The following KCNN2 variants were observed in gnomAD, a reference collection of about 807,000 sequenced individuals.
KCNN2 encodes the protein potassium calcium-activated channel subfamily N member 2.
Under a neutral mutation model 55.5 loss-of-function variants are expected in KCNN2, and 24 were observed. That is an observed-to-expected ratio of 0.43 (90% CI 0.31 to 0.61). KCNN2 has a LOEUF of 0.61. Among genes scored for constraint, KCNN2 ranks in the 20% least tolerant of loss-of-function variants. The pLI is 0.08. For missense variants in KCNN2, 754 were observed against 853.6 expected, an observed-to-expected ratio of 0.88 and a Z score of 1.45; for synonymous variants, 431 against 336.1, an observed-to-expected ratio of 1.28 and a Z score of -3.09.
At chr5:114,183,470 C>G (rs937404091) in intron 1 of KCNN2, among the ~76,000 whole-genome samples, 1 of 151,990 alleles carries the variant, frequency 6.6e-6, no homozygotes, top group African/African-American at 2.4e-5. Context: ...GAAAAACTAT[C>G]TTAGCATAGA....
chr5:114,330,135 C>A (rs1299206767), intron 2 of KCNN2, among the ~76,000 whole-genome samples: 1 of 152,164 alleles, frequency 6.6e-6, no homozygotes, highest in African/African-American at 2.4e-5. Flanking sequence ...CAACCTTGAC[C>A]TTTTTCTAGT....
upstream of KCNN2, among the ~76,000 whole-genome samples, chr5:114,361,436 C>T (rs956860691): frequency 6.6e-6 from 1 of 152,226 alleles, no homozygotes; most frequent in Non-Finnish European, 1.5e-5. Context: ...CCGGGATTCT[C>T]CCCACACGCT....
At chr5:114,435,620 T>TA (rs774035555) in intron 3 of KCNN2, among the ~76,000 whole-genome samples, 308 of 147,592 alleles carry the variant, frequency 2.1e-3, no homozygotes, top group South Asian at 0.01. Context: ...ATTTTTACTC[T>TA]AAAAAAAAAA....
intron 2 of KCNN2, among the ~76,000 whole-genome samples, chr5:114,380,807 T>C (rs144682994): frequency 6.6e-6 from 1 of 152,278 alleles, no homozygotes; most frequent in East Asian, 1.9e-4. Context: ...GTAGGACATG[T>C]GGCCTTTGGG....
intron 2 of KCNN2, among the ~76,000 whole-genome samples, chr5:114,319,935 T>C (rs1274446068): frequency 6.6e-6 from 1 of 152,208 alleles, no homozygotes; most frequent in African/African-American, 2.4e-5. Flanking sequence ...GAATCCAGTG[T>C]TTCCTTTGAT....
chr5:114,246,833 T>C (rs544051608), intron 2 of KCNN2, among the ~76,000 whole-genome samples: 4 of 152,240 alleles, frequency 2.6e-5, no homozygotes, highest in African/African-American at 7.2e-5. Context: ...CATTTGTTAA[T>C]AATGCCTTTA....
chr5:114,342,307 G>A (rs560486899), intron 2 of KCNN2, among the ~76,000 whole-genome samples: 2 of 152,068 alleles, frequency 1.3e-5, no homozygotes, highest in Non-Finnish European at 2.9e-5. Context: ...GGAGCTGTGA[G>A]GATAATCATG....
chr5:114,260,639 G>A (rs937631560), intron 2 of KCNN2, among the ~76,000 whole-genome samples: 6 of 152,156 alleles, frequency 3.9e-5, no homozygotes, highest in African/African-American at 1.2e-4. Flanking sequence ...GTACTTTTTA[G>A]AATGAATGAA....
intron 1 of KCNN2, among the ~76,000 whole-genome samples, chr5:114,075,069 G>C (rs1051717453): frequency 1.3e-5 from 2 of 152,222 alleles, no homozygotes; most frequent in Non-Finnish European, 1.5e-5. Context: ...CCAGGAGCCA[G>C]TTAATTTGTA....
At chr5:114,368,628 T>C (rs1466980207) in intron 2 of KCNN2, among the ~76,000 whole-genome samples, 1 of 152,226 alleles carries the variant, frequency 6.6e-6, no homozygotes, top group Non-Finnish European at 1.5e-5. Context: ...ATACTGCATA[T>C]AGTTTACTAT....
intron 1 of KCNN2, among the ~76,000 whole-genome samples, chr5:114,082,879 T>G (rs1159282564): frequency 6.6e-6 from 1 of 152,046 alleles, no homozygotes; most frequent in Non-Finnish European, 1.5e-5. Flanking sequence ...CCACAGAAAG[T>G]AGAATGGTGG....
chr5:114,293,627 C>T (rs1390138611), intron 2 of KCNN2, among the ~76,000 whole-genome samples: 1 of 152,286 alleles, frequency 6.6e-6, no homozygotes, highest in South Asian at 2.1e-4. Context: ...CATCAATGTT[C>T]TTCAAGGATA....
chr5:114,217,304 G>A (rs146593852), intron 1 of KCNN2, among the ~76,000 whole-genome samples: 13 of 152,042 alleles, frequency 8.6e-5, no homozygotes, highest in East Asian at 3.9e-4. Flanking sequence ...ACACAATACC[G>A]AAGAAAAACA....
chr5:114,294,650 T>C (rs1382322418), intron 2 of KCNN2, among the ~76,000 whole-genome samples: 1 of 152,206 alleles, frequency 6.6e-6, no homozygotes, highest in East Asian at 1.9e-4. Context: ...GGTGTGGTGC[T>C]GAAAAGAATG....
At chr5:114,271,816 C>G (rs943049406) in intron 2 of KCNN2, among the ~76,000 whole-genome samples, 2 of 152,044 alleles carry the variant, frequency 1.3e-5, no homozygotes, top group African/African-American at 4.8e-5. Context: ...AATTCCAAAC[C>G]ATTTTCATTC....
intron 1 of KCNN2, among the ~76,000 whole-genome samples, chr5:114,102,914 A>G (rs1023631862): frequency 1.3e-5 from 2 of 152,318 alleles, no homozygotes; most frequent in East Asian, 1.9e-4. Context: ...TGTCTTGGCT[A>G]TATGGGCTCT....
intron 4 of KCNN2, among the ~76,000 whole-genome samples, chr5:114,470,862 A>C (rs970427250): frequency 1.3e-5 from 2 of 152,160 alleles, no homozygotes; most frequent in Non-Finnish European, 2.9e-5. Flanking sequence ...GCTTTTAAAA[A>C]ATTTCAGACA....
chr5:114,234,348 T>C (rs1364867597), intron 2 of KCNN2, among the ~76,000 whole-genome samples: 1 of 152,216 alleles, frequency 6.6e-6, no homozygotes, highest in African/African-American at 2.4e-5. Flanking sequence ...TGTGCGATGG[T>C]AAATTTTTCT....
chr5:114,185,485 C>T (rs919176441), intron 1 of KCNN2, among the ~76,000 whole-genome samples: 1 of 152,204 alleles, frequency 6.6e-6, no homozygotes, highest in South Asian at 2.1e-4. Flanking sequence ...CCCGGCCTCT[C>T]CTTTTCCTGT....
Sources: allele counts gnomAD v4.1 joint callset (sites outside exome capture counted in the v4.1 genomes callset), GRCh38; gene constraint gnomAD v4.1.1; transcripts MANE v1.5; gene names NCBI Gene and HGNC (gene_info 2026-07-23, HGNC 2026-07-21).